The following VRK1 variants were observed in gnomAD, a reference collection of about 807,000 sequenced individuals.
VRK1 encodes serine/threonine-protein kinase VRK1.
VRK1 carries 33 observed loss-of-function variants against 57.1 expected under a neutral mutation model. That is an observed-to-expected ratio of 0.58 (90% CI 0.44 to 0.77). The LOEUF is 0.77. Ranked by LOEUF, VRK1 falls within the 30% of genes least tolerant of loss-of-function variation. The pLI is 0.00. For missense variants in VRK1, 413 were observed against 477.3 expected (o/e 0.87, Z 1.25); for synonymous variants, 137 against 147.8 (o/e 0.93, Z 0.53).
At chr14:96,867,030 C>T (rs1485298810) in intron 11 of VRK1, among the ~76,000 whole-genome samples, 1 of 152,142 alleles carries the variant, frequency 6.6e-6, no homozygotes, top group African/African-American at 2.4e-5. Context: ...ACTCTGAGCC[C>T]TCCACAAACC....
chr14:96,877,421 C>A, intron 12 of VRK1: 1 of 1,072,652 alleles, frequency 9.3e-7, no homozygotes, highest in African/African-American at 1.6e-5. Flanking sequence ...TGAAGTAGTC[C>A]CTCTCTTTTT....
At chr14:96,827,937 A>G (rs1886862801) in intron 1 of VRK1, among the ~76,000 whole-genome samples, 1 of 152,194 alleles carries the variant, frequency 6.6e-6, no homozygotes, top group Admixed American at 6.5e-5. Context: ...AGATTGGGAT[A>G]TAGAATGCTA....
Position 96,852,754 on chromosome 14 carries a change from T to A in VRK1, c.375-77T>A, listed in dbSNP as rs946965871. 10 of 1,004,620 alleles carry A rather than the reference T, an allele frequency of 1.0e-5. No homozygotes were observed. The Admixed American group carries it at 1.8e-4, about 18-fold the overall frequency. The allele number at this position is 1,004,620 out of a possible 1,614,324, so 62.2% of individuals were successfully genotyped here. The stretch of plus-strand genomic sequence containing the variant: ...TTACTAAACATTGTCTTGAAAAAAT[T>A]ACTTTGAGAGTACTCATTACAAAGT... On this transcript the variant is annotated intron_variant, in intron 5 of 12. Transcript: ENST00000216639.
intron 1 of VRK1, among the ~76,000 whole-genome samples, chr14:96,805,774 A>T (rs1384925025): frequency 1.3e-5 from 2 of 152,196 alleles, no homozygotes; most frequent in African/African-American, 4.8e-5. Context: ...AGAGGTTACC[A>T]TTGACACATG....
At chr14:96,797,566 G>C (rs1317298952) in intron 1 of VRK1, 119 bp downstream of exon 1, 1 of 151,804 alleles carries the variant, frequency 6.6e-6, no homozygotes, top group Non-Finnish European at 1.5e-5. Flanking sequence ...GGTCCACCGG[G>C]GTGCGGGAGT....
intron 1 of VRK1, among the ~76,000 whole-genome samples, chr14:96,817,660 G>A (rs1886446426): frequency 1.3e-5 from 2 of 152,116 alleles, no homozygotes; most frequent in East Asian, 3.9e-4. Context: ...TCTATTGATA[G>A]ATTATTATAT....
chr14:96,819,032 A>G (rs1214925919), intron 1 of VRK1, among the ~76,000 whole-genome samples: 1 of 152,220 alleles, frequency 6.6e-6, no homozygotes, highest in Non-Finnish European at 1.5e-5. Context: ...TATTGCTTTC[A>G]AATTGTTCCT....
At chr14:96,838,150 T>C (rs1026846213) in intron 3 of VRK1, among the ~76,000 whole-genome samples, 4 of 152,118 alleles carry the variant, frequency 2.6e-5, no homozygotes, top group African/African-American at 9.6e-5. Flanking sequence ...TATAAGACTA[T>C]ACTAATTTAA....
At chr14:96,814,974 T>C (rs1227340274) in intron 1 of VRK1, among the ~76,000 whole-genome samples, 3 of 152,220 alleles carry the variant, frequency 2.0e-5, no homozygotes, top group Admixed American at 2.0e-4. Context: ...TTGTATATAA[T>C]GCTGCAGTAA....
chr14:96,798,969 T>C (rs890040105), intron 1 of VRK1, among the ~76,000 whole-genome samples: 2 of 152,244 alleles, frequency 1.3e-5, no homozygotes, highest in Non-Finnish European at 2.9e-5. Context: ...GATCAGATTC[T>C]GTGTTAATAC....
At chr14:96,842,994 A>ATAGT (rs779147351) in intron 3 of VRK1, among the ~76,000 whole-genome samples, 1 of 152,214 alleles carries the variant, frequency 6.6e-6, no homozygotes, top group African/African-American at 2.4e-5. Flanking sequence ...ACAGCTCCAG[A>ATAGT]TAGTTAACCC....
In VRK1 at chr14:96,881,214, A is replaced by T. The variant is rs1264657996; in HGVS notation, c.*6A>T. On this transcript the variant is annotated 3_prime_UTR_variant, in exon 13 of 13. Coordinates refer to ENST00000216639, the MANE Select transcript of VRK1 (RefSeq NM_003384.3). Reference sequence around the variant, plus strand: ...GAAAGAGAGTCCAGAAGTAATTCAGATGCTGTGAACCAGATTTCCTTTTCT... The same window carrying T: ...GAAAGAGAGTCCAGAAGTAATTCAGTTGCTGTGAACCAGATTTCCTTTTCT... The T allele has an allele frequency of 1.2e-6, 2 of 1,602,624 alleles. No homozygotes were observed. Among genetic ancestry groups the T allele is most frequent in the Admixed American group, 1.7e-5 (1 of 59,064 alleles).
intron 5 of VRK1, among the ~76,000 whole-genome samples, chr14:96,847,757 C>T (rs1158554338): frequency 3.9e-5 from 6 of 152,196 alleles, no homozygotes; most frequent in Admixed American, 2.6e-4. Context: ...ATGTTGGATA[C>T]ATAATCTGCC....
chr14:96,823,512 G>A (rs558445209), intron 1 of VRK1, among the ~76,000 whole-genome samples: 1 of 152,278 alleles, frequency 6.6e-6, no homozygotes, highest in Non-Finnish European at 1.5e-5. Context: ...GTGTGTGTAT[G>A]GGGGCAGGAA....
intron 4 of VRK1, 100 bp from the exon 5 acceptor site, chr14:96,847,157 C>G: frequency 1.1e-6 from 1 of 872,902 alleles, no homozygotes; most frequent in Non-Finnish European, 1.9e-6. Context: ...CAGGTGAATT[C>G]TTATTGCATG....
At chr14:96,825,207 G>C (rs1255829670) in intron 1 of VRK1, among the ~76,000 whole-genome samples, 3 of 152,162 alleles carry the variant, frequency 2.0e-5, no homozygotes, top group African/African-American at 7.2e-5. Flanking sequence ...TGGTTTGTAG[G>C]TGTGGCTCTT....
chr14:96,872,053 C>T (rs112712329), intron 11 of VRK1, among the ~76,000 whole-genome samples: 12,766 of 152,226 alleles, frequency 0.084, 703 homozygotes, highest in Non-Finnish European at 0.13. Flanking sequence ...GATCCACCCA[C>T]CTAGGCCTCC....
intron 1 of VRK1, among the ~76,000 whole-genome samples, chr14:96,829,032 G>T (rs1424637984): frequency 1.3e-5 from 2 of 152,094 alleles, no homozygotes; most frequent in Non-Finnish European, 2.9e-5. Flanking sequence ...GTATATTTCA[G>T]TGACTTCTTA....
intron 1 of VRK1, among the ~76,000 whole-genome samples, chr14:96,827,432 G>A (rs1034752124): frequency 2.0e-5 from 3 of 151,898 alleles, no homozygotes; most frequent in African/African-American, 7.3e-5. Context: ...AGGTGTGGCT[G>A]TCAGCTCTAC....
Sources: gnomAD v4.1 joint callset for allele counts (sites outside exome capture counted in the v4.1 genomes callset) on GRCh38, gnomAD v4.1.1 for gene constraint, MANE v1.5 for transcripts, NCBI Gene and HGNC (gene_info 2026-07-23, HGNC 2026-07-21) for gene names.